Variants in PDE1A observed in about 807,000 individuals in gnomAD.
The protein encoded by PDE1A is phosphodiesterase 1A.
PDE1A carries 35 observed loss-of-function variants against 61.7 expected under a neutral mutation model. The observed-to-expected ratio is 0.57, with a 90% CI of 0.43 to 0.75. The LOEUF is 0.75. Among genes scored for constraint, PDE1A ranks in the 30% least tolerant of loss-of-function variants. The pLI is 0.00. For synonymous variants in PDE1A, 232 were observed against 213.2 expected (o/e 1.09, Z -0.77); for missense variants, 597 against 630.6 (o/e 0.95, Z 0.57).
intron 10 of PDE1A, among the ~76,000 whole-genome samples, chr2:182,192,207 T>C (rs998325984): frequency 2.0e-5 from 3 of 152,102 alleles, no homozygotes; most frequent in African/African-American, 4.8e-5. Context: ...ATATTTCCTA[T>C]AGGGCTTAGG....
downstream of PDE1A, among the ~76,000 whole-genome samples, chr2:182,143,305 C>G (rs569686211): frequency 2.6e-5 from 2 of 77,776 alleles, no homozygotes; most frequent in South Asian, 8.0e-4. Context: ...AGCCATTCCA[C>G]AATTTCAAAA....
intron 8 of PDE1A, 30 bp from the exon 9 acceptor site, chr2:182,201,819 A>C: frequency 7.2e-7 from 1 of 1,384,730 alleles, no homozygotes; most frequent in South Asian, 1.2e-5. Context: ...AGAAAGGTTC[A>C]TTCAGCCATT....
the PDE1A span, among the ~76,000 whole-genome samples, chr2:182,584,100 G>T: frequency 6.6e-6 from 1 of 152,180 alleles, no homozygotes; most frequent in African/African-American, 2.4e-5. Context: ...CTTGCAAGGA[G>T]CCACAAGGAG....
At chr2:182,709,638 AG>A in the PDE1A span, among the ~76,000 whole-genome samples, 1 of 152,250 alleles carries the variant, frequency 6.6e-6, no homozygotes, top group African/African-American at 2.4e-5. Context: ...TTGAAAGATG[AG>A]TAGCATTTCT....
chr2:182,526,449 T>G (rs375978285), upstream of PDE1A, among the ~76,000 whole-genome samples: 77 of 152,116 alleles, frequency 5.1e-4, 2 homozygotes, highest in South Asian at 0.011. Context: ...GAAACCAAGG[T>G]CCTCCCAGAA....
chr2:182,487,870 G>A (rs1688116741), intron 2 of PDE1A, among the ~76,000 whole-genome samples: 1 of 152,120 alleles, frequency 6.6e-6, no homozygotes, highest in Non-Finnish European at 1.5e-5. Flanking sequence ...AAGAAAGTTT[G>A]TAATGAAAGA....
At chr2:182,427,743 T>G (rs1467433955), upstream of PDE1A, among the ~76,000 whole-genome samples, 1 of 152,326 alleles carries the variant, frequency 6.6e-6, no homozygotes, top group Non-Finnish European at 1.5e-5. Context: ...GCTCGTATTT[T>G]AATGTAACTT....
the PDE1A span, among the ~76,000 whole-genome samples, chr2:182,710,856 T>A: frequency 6.6e-6 from 1 of 152,188 alleles, no homozygotes; most frequent in Non-Finnish European, 1.5e-5. Flanking sequence ...TTTCTCCACA[T>A]CTATGCTAAC....
chr2:182,296,780 T>G (rs1285359331), intron 1 of PDE1A, among the ~76,000 whole-genome samples: 2 of 152,270 alleles, frequency 1.3e-5, no homozygotes, highest in Non-Finnish European at 2.9e-5. Context: ...GTATTTAAAT[T>G]TATGGGCGCA....
At chr2:182,603,773 A>G in the PDE1A span, among the ~76,000 whole-genome samples, 1 of 152,214 alleles carries the variant, frequency 6.6e-6, no homozygotes, top group African/African-American at 2.4e-5. Context: ...CCTTTTTTAA[A>G]AAAAGAACTC....
the PDE1A span, among the ~76,000 whole-genome samples, chr2:182,606,257 C>T: frequency 6.6e-6 from 1 of 152,190 alleles, no homozygotes; most frequent in Non-Finnish European, 1.5e-5. Context: ...CAGCTCACTG[C>T]GACCTCCACC....
At chr2:182,453,850 A>G (rs528456775) in intron 2 of PDE1A, among the ~76,000 whole-genome samples, 1 of 152,228 alleles carries the variant, frequency 6.6e-6, no homozygotes, top group Non-Finnish European at 1.5e-5. Context: ...CCCTTTGAAA[A>G]CTGACACAAG....
chr2:182,184,685 A>G (rs1374788980), intron 13 of PDE1A, among the ~76,000 whole-genome samples: 1 of 152,184 alleles, frequency 6.6e-6, no homozygotes. Flanking sequence ...AAAAGATTGC[A>G]TATACGAATG....
chr2:182,603,213 T>C, the PDE1A span, among the ~76,000 whole-genome samples: 23,605 of 152,190 alleles, frequency 0.16, 2,119 homozygotes, highest in Middle Eastern at 0.24. Context: ...ACCTTTCCTG[T>C]CTGTAAATAA....
the PDE1A span, among the ~76,000 whole-genome samples, chr2:182,708,482 C>T: frequency 7.2e-3 from 1,099 of 152,300 alleles, 5 homozygotes; most frequent in South Asian, 0.032. Flanking sequence ...TTTTGCACTG[C>T]TCTAAAGAAC....
At chr2:182,192,422 G>C (rs1413400953) in intron 10 of PDE1A, among the ~76,000 whole-genome samples, 2 of 152,032 alleles carry the variant, frequency 1.3e-5, no homozygotes, top group Non-Finnish European at 2.9e-5. Context: ...TAAAGGCCAT[G>C]AGTGCAAGAT....
chr2:182,435,915 T>C (rs1452049745), intron 2 of PDE1A, among the ~76,000 whole-genome samples: 1 of 152,100 alleles, frequency 6.6e-6, no homozygotes, highest in African/African-American at 2.4e-5. Context: ...ATTGAATCAA[T>C]GTCAGTAATG....
intron 7 of PDE1A, among the ~76,000 whole-genome samples, chr2:182,220,686 T>C (rs1475574469): frequency 6.6e-6 from 1 of 152,122 alleles, no homozygotes; most frequent in Non-Finnish European, 1.5e-5. Context: ...CATTATAATA[T>C]CTGCATTGAA....
At chr2:182,309,627 T>C (rs926543575) in intron 1 of PDE1A, among the ~76,000 whole-genome samples, 5 of 152,030 alleles carry the variant, frequency 3.3e-5, no homozygotes, top group African/African-American at 1.2e-4. Context: ...AATTTGAATA[T>C]TAAATCAGTA....
Sources: gnomAD v4.1 joint callset for allele counts (sites outside exome capture counted in the v4.1 genomes callset) on GRCh38, gnomAD v4.1.1 for gene constraint, MANE v1.5 for transcripts, NCBI Gene and HGNC (gene_info 2026-07-23, HGNC 2026-07-21) for gene names.